Variants in NRG3 observed in about 807,000 individuals in gnomAD.
NRG3 encodes neuregulin 3.
In NRG3, 31 loss-of-function variants were observed where a neutral mutation model predicts 66.9. That is an observed-to-expected ratio of 0.46 (90% CI 0.35 to 0.63). NRG3 has a LOEUF of 0.63. Ranked by LOEUF, NRG3 falls within the 20% of genes least tolerant of loss-of-function variation. The probability of loss-of-function intolerance (pLI) is 0.00; values close to 1 mark genes in which losing one functional copy is unlikely to be tolerated. For synonymous variants in NRG3, 393 were observed against 359.4 expected (o/e 1.09, Z -1.06); for missense variants, 910 against 878.9 (o/e 1.04, Z -0.45).
At chr10:82,941,541 C>T (rs953517225) in intron 4 of NRG3, among the ~76,000 whole-genome samples, 1 of 152,260 alleles carries the variant, frequency 6.6e-6, no homozygotes, top group East Asian at 1.9e-4. Flanking sequence ...ATTCAGGAGA[C>T]CTGCTTTATC....
chr10:82,651,482 C>T (rs1207701952), intron 2 of NRG3, among the ~76,000 whole-genome samples: 1 of 152,222 alleles, frequency 6.6e-6, no homozygotes, highest in Non-Finnish European at 1.5e-5. Flanking sequence ...GTCATTCTGT[C>T]TGGGGAAAGC....
chr10:82,405,452 T>A (rs1484432041), intron 2 of NRG3, among the ~76,000 whole-genome samples: 1 of 126,108 alleles, frequency 7.9e-6, no homozygotes, highest in African/African-American at 4.1e-5. Flanking sequence ...ATGATCTCAG[T>A]AGTTTGTTTT....
At chr10:82,193,843 G>A (rs570515364) in intron 1 of NRG3, among the ~76,000 whole-genome samples, 47 of 152,274 alleles carry the variant, frequency 3.1e-4, no homozygotes, top group Non-Finnish European at 5.0e-4. Flanking sequence ...AGTCATTACC[G>A]TAGATATAAA....
chr10:82,369,323 G>A (rs1335588405), intron 2 of NRG3, among the ~76,000 whole-genome samples: 1 of 138,218 alleles, frequency 7.2e-6, no homozygotes, highest in African/African-American at 3.4e-5. Context: ...TTTAGAGATA[G>A]GTTCTTGCTC....
At chr10:82,751,722 A>G (rs2058872488) in intron 3 of NRG3, among the ~76,000 whole-genome samples, 1 of 152,166 alleles carries the variant, frequency 6.6e-6, no homozygotes, top group Admixed American at 6.6e-5. Context: ...CCCTAGATGA[A>G]GAACATCATC....
intron 4 of NRG3, among the ~76,000 whole-genome samples, chr10:82,896,500 A>AT (rs1843676779): frequency 6.6e-6 from 1 of 152,250 alleles, no homozygotes; most frequent in Non-Finnish European, 1.5e-5. Flanking sequence ...GCTATTTTCC[A>AT]TGAAATACCT....
chr10:82,381,177 C>T (rs886521952), intron 2 of NRG3, among the ~76,000 whole-genome samples: 14 of 152,034 alleles, frequency 9.2e-5, no homozygotes, highest in Non-Finnish European at 2.1e-4. Context: ...AAGATTCCAT[C>T]AATTAAAGAT....
At chr10:82,250,383 G>A (rs1312604537) in intron 1 of NRG3, among the ~76,000 whole-genome samples, 1 of 152,024 alleles carries the variant, frequency 6.6e-6, no homozygotes, top group South Asian at 2.1e-4. Flanking sequence ...TCAGGAGTTG[G>A]AGACCAGCCT....
chr10:82,286,341 A>G (rs1564749535), intron 1 of NRG3, among the ~76,000 whole-genome samples: 1 of 152,112 alleles, frequency 6.6e-6, no homozygotes, highest in Non-Finnish European at 1.5e-5. Context: ...GTGTATGTTG[A>G]CACATAATGT....
chr10:82,899,920 G>T (rs982740673), intron 4 of NRG3, among the ~76,000 whole-genome samples: 3 of 152,136 alleles, frequency 2.0e-5, no homozygotes, highest in African/African-American at 7.2e-5. Flanking sequence ...GTTTGTTTTT[G>T]CATTGCTATA....
At chr10:82,001,249 T>C (rs1293141685) in intron 1 of NRG3, among the ~76,000 whole-genome samples, 7 of 147,410 alleles carry the variant, frequency 4.7e-5, no homozygotes, top group Non-Finnish European at 8.9e-5. Context: ...ACGCCTGCAA[T>C]CCCAGCACTT....
At chr10:82,334,045 C>A (rs1364569853) in intron 1 of NRG3, among the ~76,000 whole-genome samples, 1 of 150,722 alleles carries the variant, frequency 6.6e-6, no homozygotes, top group Non-Finnish European at 1.5e-5. Flanking sequence ...TGGCGGGCGC[C>A]TGTAGTCCCA....
intron 3 of NRG3, among the ~76,000 whole-genome samples, chr10:82,855,989 A>G (rs2063782535): frequency 6.6e-6 from 1 of 152,200 alleles, no homozygotes; most frequent in South Asian, 2.1e-4. Context: ...TAGATTCCAG[A>G]ATTGTAGATT....
chr10:81,953,717 C>T (rs1849577789), intron 1 of NRG3, among the ~76,000 whole-genome samples: 2 of 152,202 alleles, frequency 1.3e-5, no homozygotes, highest in Non-Finnish European at 2.9e-5. Context: ...TAGTGGTCAT[C>T]AGGATCTGAA....
chr10:81,952,530 A>G (rs1322131177), intron 1 of NRG3, among the ~76,000 whole-genome samples: 1 of 152,044 alleles, frequency 6.6e-6, no homozygotes, highest in Non-Finnish European at 1.5e-5. Flanking sequence ...CTTATGCAAG[A>G]CTTGTTTCAG....
At chr10:82,919,087 GTGTGTGTGTGTGTA>G (rs1339408819) in intron 4 of NRG3, among the ~76,000 whole-genome samples, 17 of 149,558 alleles carry the variant, frequency 1.1e-4, no homozygotes, top group South Asian at 8.5e-4. Context: ...GTGTGTGTGT[GTGTGTGTGTGTGTA>G]TGTGTGTGTG....
chr10:82,369,773 T>C (rs953044798), intron 2 of NRG3, among the ~76,000 whole-genome samples: 3 of 139,140 alleles, frequency 2.2e-5, no homozygotes, highest in Non-Finnish European at 4.4e-5. Context: ...GGATTTTTCT[T>C]AATGTAACTT....
At chr10:82,101,749 A>G (rs1294046750) in intron 1 of NRG3, among the ~76,000 whole-genome samples, 1 of 150,350 alleles carries the variant, frequency 6.7e-6, no homozygotes, top group African/African-American at 2.4e-5. Context: ...AAGCAAGGAA[A>G]GGGTCTATCT....
intron 2 of NRG3, among the ~76,000 whole-genome samples, chr10:82,397,758 A>G (rs1215545552): frequency 6.6e-6 from 1 of 152,292 alleles, no homozygotes; most frequent in African/African-American, 2.4e-5. Flanking sequence ...TCTTTTTAAG[A>G]TAGATAACAT....
Sources: allele counts gnomAD v4.1 joint callset (sites outside exome capture counted in the v4.1 genomes callset), GRCh38; gene constraint gnomAD v4.1.1; transcripts MANE v1.5; gene names NCBI Gene and HGNC (gene_info 2026-07-23, HGNC 2026-07-21).